The following ADK variants were observed in gnomAD, a reference collection of about 807,000 sequenced individuals.
ADK encodes the protein N6,N6-dimethyladenosine kinase.
ADK carries 24 observed loss-of-function variants against 44.7 expected under a neutral mutation model. The observed-to-expected ratio is 0.54, with a 90% CI of 0.39 to 0.76. The LOEUF is 0.76. ADK is among the 30% of genes least tolerant of loss of function. The pLI, the probability that ADK is intolerant of heterozygous loss-of-function variation, is 0.00. For missense variants in ADK, 321 were observed against 425.1 expected (o/e 0.76, Z 2.15); for synonymous variants, 128 against 142.6 (o/e 0.90, Z 0.73).
chr10:74,174,014 G>C (rs1356005643), intron 1 of ADK, among the ~76,000 whole-genome samples: 1 of 151,924 alleles, frequency 6.6e-6, no homozygotes, highest in Non-Finnish European at 1.5e-5. Flanking sequence ...TTAAGAACCA[G>C]TTTAAAGGCT....
chr10:74,350,711 CAAT>C (rs1841935453), intron 4 of ADK, among the ~76,000 whole-genome samples: 1 of 152,100 alleles, frequency 6.6e-6, no homozygotes, highest in African/African-American at 2.4e-5. Flanking sequence ...CAAATGGACA[CAAT>C]AAAAAATTAT....
At chr10:74,162,521 TTGTGTGTGTG>T (rs10550667) in intron 1 of ADK, among the ~76,000 whole-genome samples, 170 of 141,982 alleles carry the variant, frequency 1.2e-3, no homozygotes, top group African/African-American at 3.7e-3. Context: ...TGCATTTCTT[TTGTGTGTGTG>T]TGTGTGTGTG....
intron 7 of ADK, among the ~76,000 whole-genome samples, chr10:74,536,887 TG>T (rs2133703966): frequency 6.6e-6 from 1 of 152,344 alleles, no homozygotes; most frequent in South Asian, 2.1e-4. Context: ...TTTTGTTTTT[TG>T]CTTCATTTTG....
intron 6 of ADK, among the ~76,000 whole-genome samples, chr10:74,426,004 T>G (rs1440739091): frequency 1.3e-5 from 2 of 152,158 alleles, no homozygotes; most frequent in African/African-American, 2.4e-5. Context: ...GTTTGTAAAT[T>G]TAATGTATTT....
intron 1 of ADK, 24 bp from the exon 2 acceptor site, chr10:74,200,740 A>G: frequency 1.3e-6 from 2 of 1,513,046 alleles, no homozygotes; most frequent in Non-Finnish European, 1.8e-6. Context: ...AAGTATTTCT[A>G]ACTTGTGTTT....
chr10:74,565,361 A>C (rs1829969695), intron 7 of ADK, among the ~76,000 whole-genome samples: 1 of 152,186 alleles, frequency 6.6e-6, no homozygotes, highest in Non-Finnish European at 1.5e-5. Flanking sequence ...TAAAGATTTT[A>C]ACAACTCAAG....
intron 6 of ADK, among the ~76,000 whole-genome samples, chr10:74,402,242 A>G (rs1430331193): frequency 6.6e-6 from 1 of 152,060 alleles, no homozygotes; most frequent in Non-Finnish European, 1.5e-5. Flanking sequence ...CTCGAGGAGT[A>G]TCTTTGTGGT....
chr10:74,529,268 A>G (rs1423247072), intron 7 of ADK: 2 of 152,160 alleles, frequency 1.3e-5, no homozygotes, highest in Non-Finnish European at 2.9e-5. Flanking sequence ...CAATTATTGG[A>G]TTTTCTAAGA....
intron 4 of ADK, chr10:74,372,145 A>T: frequency 1.3e-6 from 1 of 751,552 alleles, no homozygotes; most frequent in African/African-American, 1.7e-5. Flanking sequence ...CTCTACAGAG[A>T]TCCTAAAGAG....
chr10:74,503,328 G>A (rs1439368661), intron 6 of ADK, among the ~76,000 whole-genome samples: 1 of 152,200 alleles, frequency 6.6e-6, no homozygotes, highest in Non-Finnish European at 1.5e-5. Context: ...AGGCTAGCTA[G>A]AAACTCCATA....
intron 6 of ADK, among the ~76,000 whole-genome samples, chr10:74,511,294 G>A (rs1004477560): frequency 6.6e-6 from 1 of 152,148 alleles, no homozygotes; most frequent in African/African-American, 2.4e-5. Context: ...GTCTGATAGT[G>A]TGGTACCTCC....
At chr10:74,302,445 TTGA>T (rs1840092009) in intron 3 of ADK, among the ~76,000 whole-genome samples, 1 of 151,738 alleles carries the variant, frequency 6.6e-6, no homozygotes, top group African/African-American at 2.4e-5. Flanking sequence ...AAATGGACTG[TTGA>T]TGGTTTTCTC....
At chr10:74,329,130 A>AT (rs1491282047) in intron 4 of ADK, among the ~76,000 whole-genome samples, 2 of 109,010 alleles carry the variant, frequency 1.8e-5, no homozygotes, top group African/African-American at 6.8e-5. Context: ...AAAAAAAAAA[A>AT]GAAATTCTAT....
intron 7 of ADK, among the ~76,000 whole-genome samples, chr10:74,553,190 GTTTTTTTTTTTT>G (rs386371837): frequency 1.7e-4 from 10 of 60,418 alleles, no homozygotes; most frequent in African/African-American, 6.3e-4. Context: ...AGCACATTGT[GTTTTTTTTTTTT>G]TTTTTTTTTT....
chr10:74,165,849 T>C (rs548239391), intron 1 of ADK, among the ~76,000 whole-genome samples: 1 of 152,274 alleles, frequency 6.6e-6, no homozygotes, highest in Admixed American at 6.5e-5. Flanking sequence ...TGTAGTTTTA[T>C]CCCCCCCAAA....
At chr10:74,704,359 T>TA (rs1337189015) in intron 10 of ADK, among the ~76,000 whole-genome samples, 1 of 152,198 alleles carries the variant, frequency 6.6e-6, no homozygotes. Flanking sequence ...TTTTTCAAAA[T>TA]AAAAAAGTAT....
At chr10:74,484,433 T>C (rs1269807366) in intron 6 of ADK, among the ~76,000 whole-genome samples, 1 of 152,172 alleles carries the variant, frequency 6.6e-6, no homozygotes, top group East Asian at 1.9e-4. Flanking sequence ...TATCAGTGTT[T>C]ACATTTTTTA....
intron 2 of ADK, among the ~76,000 whole-genome samples, chr10:74,216,559 T>C (rs1223774790): frequency 6.6e-6 from 1 of 151,836 alleles, no homozygotes; most frequent in African/African-American, 2.4e-5. Flanking sequence ...ACTTCGTTTC[T>C]ACTTAAAATA....
At chr10:74,285,873 A>G (rs1847143420) in intron 3 of ADK, among the ~76,000 whole-genome samples, 1 of 152,186 alleles carries the variant, frequency 6.6e-6, no homozygotes, top group African/African-American at 2.4e-5. Context: ...GGGACTATGT[A>G]TTAATCCTTT....
Sources: allele counts gnomAD v4.1 joint callset (sites outside exome capture counted in the v4.1 genomes callset), GRCh38; gene constraint gnomAD v4.1.1; transcripts MANE v1.5; gene names NCBI Gene and HGNC (gene_info 2026-07-23, HGNC 2026-07-21).